The following FER1L6 variants were observed in gnomAD, a reference collection of about 807,000 sequenced individuals.
The protein encoded by FER1L6 is fer-1 like family member 6, also known as fer-1-like protein 6.
A neutral mutation model predicts 219.2 loss-of-function variants in FER1L6; 177 were observed. That is an observed-to-expected ratio of 0.81 (90% CI 0.71 to 0.91). FER1L6 has a LOEUF of 0.91. Among genes scored for constraint, FER1L6 ranks in the 40% least tolerant of loss-of-function variants. The probability of loss-of-function intolerance (pLI) is 0.00; values close to 1 mark genes in which losing one functional copy is unlikely to be tolerated. For synonymous variants in FER1L6, 768 were observed against 824.3 expected (o/e 0.93, Z 1.17); for missense variants, 2,153 against 2,259.9 (o/e 0.95, Z 0.96).
chr8:124,056,194 C>T (rs1460253762), intron 22 of FER1L6, among the ~76,000 whole-genome samples: 1 of 152,194 alleles, frequency 6.6e-6, no homozygotes, highest in East Asian at 1.9e-4. Context: ...ATATGAACAT[C>T]TTTGGGAGTC....
chr8:123,916,430 T>G (rs1285709465), intron 1 of FER1L6, among the ~76,000 whole-genome samples: 1 of 152,242 alleles, frequency 6.6e-6, no homozygotes. Context: ...CCTCCTTCAT[T>G]GCAAATTATC....
At chr8:124,049,431 C>T (rs1819896665) in intron 21 of FER1L6, among the ~76,000 whole-genome samples, 176 bp from the exon 22 acceptor site, 1 of 152,018 alleles carries the variant, frequency 6.6e-6, no homozygotes, top group Non-Finnish European at 1.5e-5. Flanking sequence ...ATGAGTGGAA[C>T]CCACTGCTCC....
At chr8:123,975,378 C>A in intron 8 of FER1L6, 72 bp downstream of exon 8, 1 of 1,407,900 alleles carries the variant, frequency 7.1e-7, no homozygotes, top group Non-Finnish European at 9.7e-7. Context: ...CCTCCCTCAC[C>A]ACTTTTCTTA....
rs1213089067 is a variant in FER1L6, at chr8:124,111,556, GA to G, written c.5290-7287del. Among the ~76,000 whole-genome samples the G allele has an allele frequency of 6.6e-6, 1 of 152,236 alleles. No homozygotes were observed. Among genetic ancestry groups the G allele is most frequent in the African/African-American group, 2.4e-5 (1 of 41,470 alleles). On this transcript the variant is annotated intron_variant, in intron 39 of 40. Coordinates refer to ENST00000522917, the MANE Select transcript of FER1L6 (RefSeq NM_001039112.2). This position sits in a 1 kb window ranked among gnomAD's most constrained non-coding sequence, Gnocchi z 5.0. ...GGAATAAAAGAATGGCTACTCCATA[GA>G]CCGAGCAGCCCCAAGGGCTGCTAGT... is the stretch of plus-strand genomic sequence containing the variant.
intron 1 of FER1L6, among the ~76,000 whole-genome samples, chr8:123,937,859 GA>G (rs1247001486): frequency 6.6e-6 from 1 of 152,012 alleles, no homozygotes; most frequent in Non-Finnish European, 1.5e-5. Context: ...ATATAGGAAA[GA>G]AAAAAACCCC....
At chr8:124,012,229 C>T (rs1200995818) in intron 14 of FER1L6, among the ~76,000 whole-genome samples, 1 of 152,148 alleles carries the variant, frequency 6.6e-6, no homozygotes, top group Non-Finnish European at 1.5e-5. Flanking sequence ...ATTTGTAAAA[C>T]AAAGTATTGT....
intron 1 of FER1L6, among the ~76,000 whole-genome samples, chr8:123,942,051 G>A (rs1325230816): frequency 2.6e-5 from 4 of 152,182 alleles, no homozygotes; most frequent in Admixed American, 2.6e-4. Flanking sequence ...CACTCTGTCT[G>A]TGAACCCCTG....
intron 35 of FER1L6, 85 bp downstream of exon 35, chr8:124,095,123 T>C (rs1030025989): frequency 2.0e-6 from 3 of 1,536,140 alleles, no homozygotes; most frequent in African/African-American, 2.7e-5. Context: ...ATTTTGACCT[T>C]CCCTCAGGTA....
At chr8:124,072,288 C>T (rs1361069328) in intron 31 of FER1L6, among the ~76,000 whole-genome samples, 1 of 152,142 alleles carries the variant, frequency 6.6e-6, no homozygotes, top group Non-Finnish European at 1.5e-5. Flanking sequence ...AGTGTATTTC[C>T]AAGAAAGATG....
intron 1 of FER1L6, among the ~76,000 whole-genome samples, chr8:123,922,990 A>C (rs1032140729): frequency 2.0e-5 from 3 of 151,192 alleles, no homozygotes; most frequent in Non-Finnish European, 4.4e-5. Context: ...CCAGACCCCC[A>C]TTCTGTCTTG....
chr8:124,058,510 A>G (rs761046011), intron 22 of FER1L6, among the ~76,000 whole-genome samples: 4 of 152,250 alleles, frequency 2.6e-5, no homozygotes, highest in African/African-American at 9.6e-5. Context: ...TCTTGCTGGT[A>G]GCAAAGTCAT....
At chr8:124,015,290 A>C (rs1222935417) in intron 15 of FER1L6, among the ~76,000 whole-genome samples, 2 of 152,100 alleles carry the variant, frequency 1.3e-5, no homozygotes, top group African/African-American at 4.8e-5. Context: ...GGTAGGACTC[A>C]CTGGAGCCAT....
At chr8:124,043,070 GAC>G (rs1819575225) in intron 20 of FER1L6, among the ~76,000 whole-genome samples, 1 of 152,190 alleles carries the variant, frequency 6.6e-6, no homozygotes, top group Non-Finnish European at 1.5e-5. Flanking sequence ...TAGTCCTGAG[GAC>G]ATGAATGGTC....
intron 1 of FER1L6, among the ~76,000 whole-genome samples, chr8:123,909,169 A>T (rs916994002): frequency 1.3e-5 from 2 of 152,230 alleles, no homozygotes; most frequent in Non-Finnish European, 2.9e-5. Flanking sequence ...CTACAGGCTA[A>T]TTCTAGTCTG....
rs558003952 is a variant in FER1L6, at chr8:123,855,604, C to T, written c.-8+3419C>T. Among the ~76,000 whole-genome samples the T allele has an allele frequency of 1.5e-3, 224 of 150,732 alleles. 1 individual carries two copies. Among genetic ancestry groups the T allele is most frequent in the Middle Eastern group, 3.4e-3 (1 of 290 alleles). ...ACATGATCTTGGGCCGGCTGTCTTCCCACTGGACCCCACAAAGTTGTAAAC... is the reference window on the plus strand; with the variant it reads ...ACATGATCTTGGGCCGGCTGTCTTCTCACTGGACCCCACAAAGTTGTAAAC... On this transcript the variant is annotated intron_variant, in intron 1 of 40. Transcript: ENST00000522917.
intron 2 of FER1L6, among the ~76,000 whole-genome samples, chr8:123,958,498 G>A (rs1377095256): frequency 6.6e-6 from 1 of 152,074 alleles, no homozygotes; most frequent in African/African-American, 2.4e-5. Context: ...CTCTCTCTCT[G>A]CTAATTTTGG....
In FER1L6 at chr8:123,968,478, T is replaced by C. The variant is rs57604035; in HGVS notation, c.385-1557T>C. Among the ~76,000 whole-genome samples the C allele has an allele frequency of 5.7e-3, 874 of 152,296 alleles. 8 individuals carry two copies. Among genetic ancestry groups the C allele is most frequent in the African/African-American group, 0.02 (825 of 41,562 alleles). On this transcript the variant is annotated intron_variant, in intron 5 of 40. Transcript: ENST00000522917. ...TTGGCCAGGAGGTCTCGGAAGCCTA[T>C]GTGAGGCAGTTGAGTCTGAAACATA...
At chr8:123,983,118 C>T (rs1816392963) in intron 11 of FER1L6, among the ~76,000 whole-genome samples, 1 of 152,200 alleles carries the variant, frequency 6.6e-6, no homozygotes, top group African/African-American at 2.4e-5. Flanking sequence ...CTTCAACCTT[C>T]CTCACACCTG....
intron 19 of FER1L6, among the ~76,000 whole-genome samples, chr8:124,036,789 G>A (rs1047418213): frequency 1.3e-5 from 2 of 152,194 alleles, no homozygotes; most frequent in South Asian, 2.1e-4. Flanking sequence ...CTGATCCTCT[G>A]CAGTGTGTTT....
Sources: gnomAD v4.1 joint callset for allele counts (sites outside exome capture counted in the v4.1 genomes callset) on GRCh38, gnomAD v4.1.1 for gene constraint, Gnocchi (gnomAD v3.1) non-coding constraint, MANE v1.5 for transcripts, NCBI Gene and HGNC (gene_info 2026-07-23, HGNC 2026-07-21) for gene names.